The following PCDHGB6 variants were observed in gnomAD, a reference collection of about 807,000 sequenced individuals.
PCDHGB6 encodes protocadherin gamma-B6.
PCDHGB6 carries 51 observed loss-of-function variants against 59.1 expected under a neutral mutation model. The observed-to-expected ratio is 0.86, with a 90% confidence interval of 0.69 to 1.09. PCDHGB6 has a LOEUF of 1.09. PCDHGB6 is among the 50% of genes least tolerant of loss of function. PCDHGB6 has a pLI of 0.00. For missense variants in PCDHGB6, 1,148 were observed against 1,205.1 expected (o/e 0.95, Z 0.70); for synonymous variants, 466 against 495.1 (o/e 0.94, Z 0.78).
chr5:141,466,344 T>G (rs1036472951), intron 1 of PCDHGB6, among the ~76,000 whole-genome samples: 5 of 152,106 alleles, frequency 3.3e-5, no homozygotes, highest in African/African-American at 4.8e-5. Flanking sequence ...ATAATTTTTT[T>G]GCAGCTAATC....
Position 141,460,747 on chromosome 5 carries a change from G to A in PCDHGB6, c.2419-34060G>A, listed in dbSNP as rs148154304. On this transcript the variant is annotated intron_variant, in intron 1 of 3. Transcript: ENST00000520790. ...GCATATATACACATTGTATATATAT[G>A]TGTACATATACATATTGCATATGTA... Among the ~76,000 whole-genome samples, 351 of 151,000 alleles carry A rather than the reference G, an allele frequency of 2.3e-3. 2 individuals are homozygous for A. The highest frequency in any genetic ancestry group is 6.8e-3 in the Middle Eastern group (2 of 294).
chr5:141,465,966 C>CA (rs2099113454), intron 1 of PCDHGB6, among the ~76,000 whole-genome samples: 1 of 151,802 alleles, frequency 6.6e-6, no homozygotes, highest in Non-Finnish European at 1.5e-5. Flanking sequence ...ACTAAAAATA[C>CA]AAAAAATTAG....
chr5:141,450,608 T>C (rs916441293), intron 1 of PCDHGB6, among the ~76,000 whole-genome samples: 5 of 151,776 alleles, frequency 3.3e-5, no homozygotes, highest in Admixed American at 2.6e-4. Flanking sequence ...TGCCTCAGCC[T>C]CCTGAGTAGC....
intron 1 of PCDHGB6, chr5:141,424,694 T>C (rs2096834568): frequency 6.6e-6 from 1 of 152,252 alleles, no homozygotes; most frequent in East Asian, 1.9e-4. Flanking sequence ...TCTGGCTATT[T>C]TTTTGTTCAT....
At chr5:141,418,072 G>A in intron 1 of PCDHGB6, 1 of 1,614,058 alleles carries the variant, frequency 6.2e-7, no homozygotes, top group Non-Finnish European at 8.5e-7. Context: ...TGAGCGCGGA[G>A]AAGCTGCACT....
In PCDHGB6 at chr5:141,409,143, G is replaced by A. The variant is rs778597273; in HGVS notation, c.941G>A (p.Arg314Lys). The stretch of plus-strand genomic sequence containing the variant: ...TCATTTGATTTTGAAGATGTAGAAA[G>A]GTACACCATGGAAGTGGAAGCGAAG... ...NQSFDFEDVERYTMEVEAKDG... is the reference protein window; with the variant it reads ...NQSFDFEDVEKYTMEVEAKDG... The change falls in exon 1 of 4, where the codon AGG becomes AAG. Residue 314 changes from arginine to lysine, a missense_variant. By Grantham distance (26) the Arg-to-Lys change is conservative. This residue lies in a region of PCDHGB6 where 549 missense variants were observed against 527.5 expected (regional missense o/e 1.04). Coordinates refer to ENST00000520790, the MANE Select transcript of PCDHGB6 (RefSeq NM_018926.3). The A allele has an allele frequency of 6.2e-7, 1 of 1,613,868 alleles. No individual in the cohort carries two copies. Among genetic ancestry groups the A allele is most frequent in the African/African-American group, 1.3e-5 (1 of 74,906 alleles).
intron 1 of PCDHGB6, chr5:141,422,019 G>C: frequency 6.2e-7 from 1 of 1,610,862 alleles, no homozygotes; most frequent in Non-Finnish European, 8.5e-7. Context: ...GGGTGCTGAT[G>C]GTTAATGCAA....
chr5:141,478,358 C>G, intron 1 of PCDHGB6: 1 of 1,613,738 alleles, frequency 6.2e-7, no homozygotes, highest in South Asian at 1.1e-5. Flanking sequence ...GGACGCCGTG[C>G]GGGGAGGCCT....
chr5:141,478,102 C>T, intron 1 of PCDHGB6: 1 of 1,614,126 alleles, frequency 6.2e-7, no homozygotes, highest in South Asian at 1.1e-5. Flanking sequence ...CTGCTACCCT[C>T]ACTGTGTCAG....
At chr5:141,421,828 C>T in intron 1 of PCDHGB6, 1 of 1,613,796 alleles carries the variant, frequency 6.2e-7, no homozygotes, top group Non-Finnish European at 8.5e-7. Context: ...GGAGGGAAGC[C>T]TGGACCGAGA....
At position 141,409,848 on chromosome 5, in the gene PCDHGB6, G is replaced by C. The variant is rs149920059; in HGVS notation, c.1646G>C (p.Arg549Pro). Residue 549 changes from arginine (R) to proline (P), a missense_variant, in exon 1 of 4, where the codon CGC (arginine) becomes CCC (proline). Arg to Pro is a moderately radical substitution (Grantham distance 103). Around this residue, in one of 5 missense-constraint regions of PCDHGB6, gnomAD observed 549 missense variants for 527.5 expected, o/e 1.04. Coordinates refer to ENST00000520790, the MANE Select transcript of PCDHGB6 (RefSeq NM_018926.3). ...SPTLSANVSL[R>P]VLVGDRNDNA... Reference sequence around the variant, plus strand: ...ACGCTCAGCGCCAACGTGAGCCTGCGCGTGTTGGTGGGAGACCGCAATGAC... The same window carrying C: ...ACGCTCAGCGCCAACGTGAGCCTGCCCGTGTTGGTGGGAGACCGCAATGAC... 4.3e-6 allele frequency: 7 copies of C among 1,611,904 alleles called. No homozygotes were observed. The highest frequency in any genetic ancestry group is 5.9e-6 in the Non-Finnish European group (7 of 1,179,288).
chr5:141,486,421 G>A lies in PCDHGB6; in HGVS notation c.2419-8386G>A, dbSNP rs772631503. ...TGACTGCTGGACCCTTGGATCGAGA[G>A]GCCAAATCTAGCTATGACATCATGG... On this transcript the variant is annotated intron_variant, in intron 1 of 3. Coordinates refer to ENST00000520790, the MANE Select transcript of PCDHGB6 (RefSeq NM_018926.3). This position sits in a 1 kb window ranked among gnomAD's most constrained non-coding sequence, Gnocchi z 5.0. 2.5e-6 allele frequency: 4 copies of A among 1,614,152 alleles called. No homozygotes were observed. In the East Asian group the frequency reaches 6.7e-5, roughly 27 times the overall value.
chr5:141,422,027 C>A, intron 1 of PCDHGB6: 1 of 1,610,650 alleles, frequency 6.2e-7, no homozygotes, highest in Non-Finnish European at 8.5e-7. Context: ...ATGGTTAATG[C>A]AACGGATCCA....
intron 1 of PCDHGB6, among the ~76,000 whole-genome samples, chr5:141,439,243 T>C (rs2098101178): frequency 6.6e-6 from 1 of 151,962 alleles, no homozygotes; most frequent in Non-Finnish European, 1.5e-5. Flanking sequence ...CCTATACAAT[T>C]TCAGCTGAAG....
At chr5:141,470,508 G>A (rs947583701) in intron 1 of PCDHGB6, among the ~76,000 whole-genome samples, 10 of 152,176 alleles carry the variant, frequency 6.6e-5, no homozygotes, top group African/African-American at 2.4e-4. Flanking sequence ...TAATTAGACA[G>A]TTAGCTAATA....
At chr5:141,464,264 A>G (rs1357786078) in intron 1 of PCDHGB6, among the ~76,000 whole-genome samples, 2 of 130,598 alleles carry the variant, frequency 1.5e-5, no homozygotes, top group East Asian at 4.2e-4. Flanking sequence ...GACTCCGTCT[A>G]AAAAAAAAAA....
intron 1 of PCDHGB6, chr5:141,417,729 G>T (rs1175282861): frequency 1.6e-5 from 22 of 1,376,276 alleles, no homozygotes; most frequent in African/African-American, 8.8e-5. Context: ...CGCAGACCTT[G>T]CCCAGCACAC....
Position 141,491,968 on chromosome 5 carries a change from G to GC in PCDHGB6, c.2419-2837dup. On this transcript the variant is annotated intron_variant, in intron 1 of 3. Coordinates refer to ENST00000520790, the MANE Select transcript of PCDHGB6 (RefSeq NM_018926.3). The surrounding 1 kb of genome is among the most constrained non-coding windows in gnomAD (Gnocchi z 6.9). ...ACCCCTACACTCAAAAAAGGCCGGG[G>GC]CCTCCTTCGAGCTTCCGGTGAATTT... 1.1e-6 allele frequency: 1 copy of GC among 923,644 alleles called. No homozygotes were observed. Among genetic ancestry groups the GC allele is most frequent in the Admixed American group, 3.6e-5 (1 of 27,548 alleles). 57.2% of individuals were successfully genotyped at this position (923,644 alleles called of 1,614,324 possible).
rs181397365 is a variant in PCDHGB6, at chr5:141,481,810, G to A, written c.2419-12997G>A. Among the ~76,000 whole-genome samples, 99 of 151,944 alleles carry A rather than the reference G, an allele frequency of 6.5e-4. 1 individual carries two copies. The highest frequency in any genetic ancestry group is 2.4e-3 in the African/African-American group (98 of 41,418). On this transcript the variant is annotated intron_variant, in intron 1 of 3. Transcript: ENST00000520790. ...CTACTAAAAATACAAAAATTCACCA[G>A]GCGTGGTGGCTGAGGCAGGAGAATC...
Sources: allele counts gnomAD v4.1 joint callset (sites outside exome capture counted in the v4.1 genomes callset), GRCh38; gene constraint gnomAD v4.1.1; regional missense constraint gnomAD v4.1.1; non-coding constraint Gnocchi (gnomAD v3.1); transcripts MANE v1.5; gene names NCBI Gene and HGNC (gene_info 2026-07-23, HGNC 2026-07-21).